SACS: variants seen among roughly 807,000 people sequenced by gnomAD.
SACS encodes the protein sacsin.
A neutral mutation model predicts 348.0 loss-of-function variants in SACS; 197 were observed. That is an observed-to-expected ratio of 0.57 (90% confidence interval 0.50 to 0.64). The LOEUF is 0.64. Among genes scored for constraint, SACS ranks in the 30% least tolerant of loss-of-function variants. SACS has a pLI of 0.00. For synonymous variants in SACS, 1,985 were observed against 1,910.6 expected, an observed-to-expected ratio of 1.04 and a Z score of -1.02; for missense variants, 4,999 against 5,360.8, an observed-to-expected ratio of 0.93 and a Z score of 2.11.
rs1440420955 is a variant in SACS, at chr13:23,432,915, TCTC to T, written c.-502+697_-502+699del. On this transcript the variant is annotated intron_variant, in intron 1 of 9. Transcript: ENST00000382292. The stretch of plus-strand genomic sequence containing the variant: ...TTAATAGAAACAAATCCAGTCCTCT[TCTC>T]TGAGGTATTGACCTCGTTTTAAGGA... Among the ~76,000 whole-genome samples, 3 of 152,250 alleles carry T rather than the reference TCTC, an allele frequency of 2.0e-5. No homozygotes were observed. In the East Asian group the frequency reaches 5.8e-4, roughly 29 times the overall value.
Position 23,334,098 on chromosome 13 carries a change from C to A in SACS, c.9778G>T (p.Asp3260Tyr). 6.2e-7 allele frequency: 1 copy of A among 1,613,674 alleles called. No homozygotes were observed. Among genetic ancestry groups the A allele is most frequent in the Non-Finnish European group, 8.5e-7 (1 of 1,179,692 alleles). The change falls in exon 10 of 10, where the codon GAT (aspartate) becomes TAT (tyrosine). Residue 3260 changes from aspartate (D) to tyrosine (Y), a missense_variant. Coordinates refer to ENST00000382292, the MANE Select transcript of SACS (RefSeq NM_014363.6). ...FISESVSVKE[D>Y]QEETKPTFDI... ...AATGTTGGTTTTGTTTCTTCCTGAT[C>A]TTCTTTCACACTTACAGATTCACTA... is the stretch of plus-strand genomic sequence containing the variant.
Position 23,355,037 on chromosome 13 carries a change from G to C in SACS, c.1575C>G (p.Pro525=), listed in dbSNP as rs2137720978. ...GCTTATAGATAACATCAACTGACAA[G>C]GGGAAATCAGAGCTCTTTTCCATCT... ...RLEMEKSSDF[P]LSVDVIYKLW... The change falls in exon 8 of 10, where the codon CCC becomes CCG. Residue 525 remains proline, a synonymous_variant. Transcript: ENST00000382292. The C allele has an allele frequency of 1.2e-6, 2 of 1,614,208 alleles. No homozygotes were observed. The highest frequency in any genetic ancestry group is 1.7e-6 in the Non-Finnish European group (2 of 1,180,036).
At chr13:23,344,815 A>C (rs1199180414) in intron 9 of SACS, among the ~76,000 whole-genome samples, 1 of 152,238 alleles carries the variant, frequency 6.6e-6, no homozygotes, top group Non-Finnish European at 1.5e-5. Flanking sequence ...TTCCAAGAGT[A>C]GCTTTTGCTT....
Position 23,331,447 on chromosome 13 carries a change from AT to A in SACS, c.12428del (p.Tyr4143LeufsTer31). 6.2e-7 allele frequency: 1 copy of A among 1,614,074 alleles called. No individual in the cohort carries two copies. Among genetic ancestry groups the A allele is most frequent in the Non-Finnish European group, 8.5e-7 (1 of 1,179,958 alleles). On this transcript the variant is annotated frameshift_variant, in exon 10 of 10. Transcript: ENST00000382292. LOFTEE classifies it high-confidence loss of function. ...CCAGTTTTGATGGCTCCGAAGAGTC[AT>A]ATTTCACTCCTAAACTGTCAAGTTT... ...GEKLDSLGVKYDSSEPSKLEL... is the reference protein window; with the variant it reads ...GEKLDSLGVKXDSSEPSKLEL...
intron 5 of SACS, among the ~76,000 whole-genome samples, chr13:23,365,906 G>A (rs1385136429): frequency 2.0e-5 from 3 of 152,072 alleles, no homozygotes; most frequent in South Asian, 4.1e-4. Context: ...TGAGTGGAAG[G>A]GTGACCAGCT....
Position 23,390,585 on chromosome 13 carries a change from C to G in SACS, c.21-15316G>C, listed in dbSNP as rs78322085. Among the ~76,000 whole-genome samples the G allele has an allele frequency of 4.9e-4, 74 of 152,272 alleles. No individual in the cohort carries two copies. The East Asian group carries it at 0.012, about 25-fold the overall frequency. On this transcript the variant is annotated intron_variant, in intron 2 of 9. Transcript: ENST00000382292. ...AGTCTCAGCTACTCAGAAAGCTGAG[C>G]TGGGAGGTCAAGGCTGCAGTAAGCC...
chr13:23,388,325 C>A, intron 2 of SACS, among the ~76,000 whole-genome samples: 1 of 128,750 alleles, frequency 7.8e-6, no homozygotes. Context: ...CAGAGCGAGA[C>A]TTTGTCTCAA....
intron 1 of SACS, chr13:23,428,524 G>A (rs917388832): frequency 1.3e-5 from 2 of 152,116 alleles, no homozygotes; most frequent in Non-Finnish European, 1.5e-5. Context: ...AGGAAAGGTC[G>A]GGGGTCACCA....
rs1415870785 is a variant in SACS at position 23,355,912 on chromosome 13, TG to T, written c.699del (p.Asp235MetfsTer28). On this transcript the variant is annotated frameshift_variant, in exon 8 of 10. Transcript: ENST00000382292. LOFTEE classifies it high-confidence loss of function. ...TCACTAATTTCTTTGCTGTCATCTT[TG>T]AGATTCCAACATTGGCCTGATTCAT... ...GPHESGQCWN[L>X]KDDSKEISEL... The T allele has an allele frequency of 6.2e-7, 1 of 1,614,118 alleles. No homozygotes were observed. Among genetic ancestry groups the T allele is most frequent in the African/African-American group, 1.3e-5 (1 of 75,062 alleles).
intron 9 of SACS, among the ~76,000 whole-genome samples, chr13:23,343,521 C>T (rs1188106832): frequency 5.3e-5 from 8 of 152,122 alleles, no homozygotes; most frequent in Non-Finnish European, 1.2e-4. Flanking sequence ...CCCATCTCTA[C>T]TAAAAATACA....
chr13:23,414,373 A>G (rs1873621727), intron 1 of SACS, among the ~76,000 whole-genome samples: 1 of 151,830 alleles, frequency 6.6e-6, no homozygotes, highest in Non-Finnish European at 1.5e-5. Context: ...TATATGATAG[A>G]TCAGAACTCA....
At chr13:23,406,020 C>T (rs1455359047) in intron 2 of SACS, among the ~76,000 whole-genome samples, 1 of 152,174 alleles carries the variant, frequency 6.6e-6, no homozygotes, top group Non-Finnish European at 1.5e-5. Flanking sequence ...ACCCAGCAAT[C>T]CCGTTACTGG....
chr13:23,397,005 T>G (rs1028779564), intron 2 of SACS, among the ~76,000 whole-genome samples: 3 of 136,674 alleles, frequency 2.2e-5, no homozygotes, highest in African/African-American at 7.7e-5. Context: ...TATTTAGGCT[T>G]GTTAATAAAT....
In SACS at chr13:23,338,050, G is replaced by A. The variant is rs759326217; in HGVS notation, c.5826C>T (p.Tyr1942=). 8.4e-5 allele frequency: 136 copies of A among 1,613,672 alleles called. 1 individual carries two copies. In the Admixed American group the frequency reaches 2.2e-3, roughly 26 times the overall value. ...ATSGELMDYT[Y]YAVWPDPDLV... ...AATCAGGATCGGGCCATACTGCATA[G>A]TAAGTATAATCCATTAGCTCCCCAC... is the stretch of plus-strand genomic sequence containing the variant. Residue 1942 remains tyrosine (Y), a synonymous_variant, in exon 10 of 10, where the codon TAC becomes TAT. Transcript: ENST00000382292.
intron 1 of SACS, among the ~76,000 whole-genome samples, chr13:23,415,082 A>G (rs1873645838): frequency 6.6e-6 from 1 of 151,860 alleles, no homozygotes; most frequent in African/African-American, 2.4e-5. Flanking sequence ...CCTAGGCTGG[A>G]GTGCAGTGGC....
At chr13:23,387,634 C>A (rs1234273428) in intron 2 of SACS, among the ~76,000 whole-genome samples, 1 of 152,078 alleles carries the variant, frequency 6.6e-6, no homozygotes, top group Non-Finnish European at 1.5e-5. Flanking sequence ...GGTTTTTAAA[C>A]CATTTATCTG....
rs749919322 is a variant in SACS, at chr13:23,334,498, T to C, written c.9378A>G (p.Leu3126=). 5.0e-6 allele frequency: 8 copies of C among 1,613,146 alleles called. No homozygotes were observed. In the East Asian group the frequency reaches 8.9e-5, roughly 18 times the overall value. The stretch of plus-strand genomic sequence containing the variant: ...AAAGTTTTAAACTATGAAAAAGTTT[T>C]AGATTAGTCTGCTGCAGACGACAAG... The part of the protein sequence containing the change: ...KLPCRLQQTN[L]KLFHSLKLLV... Residue 3126 remains leucine, a synonymous_variant, in exon 10 of 10, where the codon CTA becomes CTG. Transcript: ENST00000382292.
Position 23,331,852 on chromosome 13 carries a change from A to G in SACS, c.12024T>C (p.Ser4008=). 6.2e-7 allele frequency: 1 copy of G among 1,614,076 alleles called. No homozygotes were observed. The highest frequency in any genetic ancestry group is 1.6e-4 in the Middle Eastern group (1 of 6,062). Residue 4008 remains serine, a synonymous_variant, in exon 10 of 10, where the codon TCT becomes TCC. Transcript: ENST00000382292. ...LQGRLQLLLS[S]EQFITGLIRI... ...TAATCAGTCCTGTAATGAACTGTTC[A>G]GAAGACAAGAGTAACTGCAATCTTC...
In SACS at chr13:23,338,872, A is replaced by G; in HGVS notation, c.5004T>C (p.Asp1668=). 1.2e-6 allele frequency: 2 copies of G among 1,613,074 alleles called. No homozygotes were observed. The highest frequency in any genetic ancestry group is 1.7e-6 in the Non-Finnish European group (2 of 1,179,796). Residue 1668 remains aspartate (D), a synonymous_variant, in exon 10 of 10, where the codon GAT becomes GAC. Coordinates refer to ENST00000382292, the MANE Select transcript of SACS (RefSeq NM_014363.6). ...EVSSTCYNTA[D]IYSLVDEFSL... is the part of the protein sequence containing the mutation. ...TAAATTCATCCACAAGAGAATAAAT[A>G]TCTGCTGTATTGTAGCACGTACTAC...
Sources: allele counts gnomAD v4.1 joint callset (sites outside exome capture counted in the v4.1 genomes callset), GRCh38; gene constraint gnomAD v4.1.1; transcripts MANE v1.5; gene names NCBI Gene and HGNC (gene_info 2026-07-23, HGNC 2026-07-21).